Variants in LRRK1 observed in about 807,000 individuals in gnomAD.
The protein encoded by LRRK1 is leucine-rich repeat serine/threonine-protein kinase 1.
A neutral mutation model predicts 209.1 loss-of-function variants in LRRK1; 113 were observed. The observed-to-expected ratio is 0.54, with a 90% CI of 0.46 to 0.63. The LOEUF (loss-of-function observed/expected upper bound fraction) is 0.63. LRRK1 is among the 30% of genes least tolerant of loss of function. LRRK1 has a pLI of 0.00. For synonymous variants in LRRK1, 1,144 were observed against 1,099.7 expected (o/e 1.04, Z -0.80); for missense variants, 2,284 against 2,632.2 (o/e 0.87, Z 2.89).
At chr15:100,924,225 T>C (rs2042068664) in intron 1 of LRRK1, among the ~76,000 whole-genome samples, 1 of 152,210 alleles carries the variant, frequency 6.6e-6, no homozygotes, top group Admixed American at 6.5e-5. Flanking sequence ...TGACAGTAGG[T>C]GTGCGTTGAC....
intron 27 of LRRK1, 100 bp downstream of exon 27, chr15:101,055,323 A>G: frequency 8.4e-7 from 1 of 1,197,324 alleles, no homozygotes; most frequent in Non-Finnish European, 1.1e-6. Flanking sequence ...GGGGCTCAGC[A>G]TCCCCAAAAG....
rs370971434 is a variant in LRRK1, at chr15:101,027,137, G to A, written c.2406-124G>A. On this transcript the variant is annotated intron_variant, in intron 17 of 33. Transcript: ENST00000388948. The surrounding 1 kb of genome is among the most constrained non-coding windows in gnomAD (Gnocchi z 5.1). ...AGCAAGGCCTCAATAAACTTCTTGTGTTGTCTTTCACGAGTTCTCCAGACT... is the reference window on the plus strand; with the variant it reads ...AGCAAGGCCTCAATAAACTTCTTGTATTGTCTTTCACGAGTTCTCCAGACT... The A allele has an allele frequency of 8.1e-7, 1 of 1,238,190 alleles. No homozygotes were observed. The highest frequency in any genetic ancestry group is 1.1e-6 in the Non-Finnish European group (1 of 891,774). 76.7% of individuals were successfully genotyped at this position (1,238,190 alleles called of 1,614,324 possible). A position where few individuals can be genotyped will look rare whatever the true frequency, so the allele number is the denominator to read the frequency against.
intron 10 of LRRK1, among the ~76,000 whole-genome samples, chr15:101,012,705 G>A (rs570791252): frequency 4.6e-5 from 7 of 152,142 alleles, no homozygotes; most frequent in Admixed American, 1.3e-4. Context: ...GGACCCCCAC[G>A]GGCACTCCTC....
At chr15:100,930,085 C>G (rs2042182410) in intron 2 of LRRK1, among the ~76,000 whole-genome samples, 1 of 152,208 alleles carries the variant, frequency 6.6e-6, no homozygotes, top group Admixed American at 6.5e-5. Context: ...CAATGGGGAG[C>G]TGACTCCCTA....
At chr15:101,047,592 G>C (rs1304048498) in intron 21 of LRRK1, among the ~76,000 whole-genome samples, 1 of 152,224 alleles carries the variant, frequency 6.6e-6, no homozygotes, top group Non-Finnish European at 1.5e-5. Context: ...GGAAAAGAGT[G>C]CAGTCTCATC....
At chr15:101,013,122 T>C (rs2033351998) in intron 10 of LRRK1, among the ~76,000 whole-genome samples, 1 of 150,524 alleles carries the variant, frequency 6.6e-6, no homozygotes, top group South Asian at 2.1e-4. Context: ...ATGTGTCTGC[T>C]CGAGGTCTCC....
chr15:100,950,715 G>C (rs72765032), intron 2 of LRRK1, among the ~76,000 whole-genome samples: 18,163 of 152,268 alleles, frequency 0.12, 1,367 homozygotes, highest in Middle Eastern at 0.18. Flanking sequence ...CCTGTGAAAT[G>C]GGAGAAAATA....
chr15:100,961,221 A>T (rs1007712070), intron 2 of LRRK1, among the ~76,000 whole-genome samples: 5 of 152,150 alleles, frequency 3.3e-5, no homozygotes, highest in Non-Finnish European at 7.3e-5. Context: ...TCCTATTCTT[A>T]TAAAGCCACC....
intron 6 of LRRK1, among the ~76,000 whole-genome samples, chr15:101,003,620 C>T (rs2032805449): frequency 6.6e-6 from 1 of 152,158 alleles, no homozygotes; most frequent in South Asian, 2.1e-4. Context: ...CCTTATAAAA[C>T]CATCAGATCT....
rs552313052 is a variant in LRRK1, at chr15:101,062,673, G to A, written c.4897G>A (p.Val1633Met). The A allele has an allele frequency of 2.1e-5, 34 of 1,613,510 alleles. No individual in the cohort carries two copies. Among genetic ancestry groups the A allele is most frequent in the Admixed American group, 2.0e-4 (12 of 60,028 alleles). The change falls in exon 31 of 34, where the codon GTG becomes ATG. Residue 1633 changes from valine (V) to methionine (M), a missense_variant. Val to Met is a conservative substitution (Grantham distance 21, BLOSUM62 1). This residue lies in a region of LRRK1 where 643 missense variants were observed against 695.9 expected (regional missense o/e 0.92). Transcript: ENST00000388948. ...TPAVVTCFLA[V>M]PVIKKNSYLV... ...AGCTGTCGTCACCTGCTTCTTGGCC[G>A]TGCCTGTTATTAAAAAGGTGAGGTC...
intron 28 of LRRK1, among the ~76,000 whole-genome samples, chr15:101,057,562 T>C (rs1596339229): frequency 6.6e-6 from 1 of 152,198 alleles, no homozygotes; most frequent in East Asian, 1.9e-4. Flanking sequence ...AGAACGCATG[T>C]CCTTATCTGG....
rs1004787812 is a variant in LRRK1 at position 101,065,083 on chromosome 15, C to G, written c.4915-269C>G. 6 of 526,186 alleles carry G rather than the reference C, an allele frequency of 1.1e-5. No individual in the cohort carries two copies. In the Admixed American group the frequency reaches 1.7e-4, roughly 15 times the overall value. 32.6% of individuals were successfully genotyped at this position (526,186 alleles called of 1,614,324 possible). A position where few individuals can be genotyped will look rare whatever the true frequency, so the allele number is the denominator to read the frequency against. ...GGCAGCCCATGTGGTCCAGGTGACA[C>G]GCAGCCTTACTTGGTGCCACAGGCC... On this transcript the variant is annotated intron_variant, in intron 31 of 33. Coordinates refer to ENST00000388948, the MANE Select transcript of LRRK1 (RefSeq NM_024652.6).
intron 31 of LRRK1, chr15:101,064,568 C>CA (rs944061462): frequency 8.5e-5 from 13 of 153,004 alleles, no homozygotes; most frequent in African/African-American, 3.1e-4. Flanking sequence ...TAGAAGAGCT[C>CA]ATGCTTCATT....
In LRRK1 at chr15:101,024,705, C is replaced by G; in HGVS notation, c.2068-98C>G. The G allele has an allele frequency of 7.6e-7, 1 of 1,323,896 alleles. No individual in the cohort carries two copies. Among genetic ancestry groups the G allele is most frequent in the South Asian group, 1.4e-5 (1 of 71,056 alleles). The allele number at this position is 1,323,896 out of a possible 1,614,324, so 82.0% of individuals were successfully genotyped here. Reference sequence around the variant, plus strand: ...TTTCCACGGTTGTTTTTTCAGACCCCCGAGTCCAGCCTCCAGAGTTATCCG... The same window carrying G: ...TTTCCACGGTTGTTTTTTCAGACCCGCGAGTCCAGCCTCCAGAGTTATCCG... On this transcript the variant is annotated intron_variant, in intron 15 of 33. Coordinates refer to ENST00000388948, the MANE Select transcript of LRRK1 (RefSeq NM_024652.6). The surrounding 1 kb of genome is among the most constrained non-coding windows in gnomAD (Gnocchi z 4.6).
At chr15:100,960,277 C>CTT (rs3031656) in intron 2 of LRRK1, among the ~76,000 whole-genome samples, 46,797 of 116,572 alleles carry the variant, frequency 0.4, 10,995 homozygotes, top group South Asian at 0.52. Flanking sequence ...GTTCATATTG[C>CTT]TTTTTTTTTT....
intron 16 of LRRK1, among the ~76,000 whole-genome samples, chr15:101,025,692 C>T (rs377400310): frequency 2.1e-4 from 32 of 152,310 alleles, no homozygotes; most frequent in African/African-American, 6.5e-4. Flanking sequence ...ATAGGGTGAA[C>T]GCACCCATTA....
chr15:101,008,966 C>G lies in LRRK1; in HGVS notation c.892C>G (p.Pro298Ala). Residue 298 changes from proline (P) to alanine (A), a missense_variant, in exon 7 of 34, where the codon CCC (proline) becomes GCC (alanine). Pro to Ala is a conservative substitution (Grantham distance 27). Around this residue, in one of 6 missense-constraint regions of LRRK1, gnomAD observed 494 missense variants for 522.1 expected, o/e 0.95. Transcript: ENST00000388948. The stretch of plus-strand genomic sequence containing the variant: ...CCTGGCGACCCTCCCCTCGGTTATC[C>G]CCTGGGGCCTCATCAATCTCCGGAA... ...NCLATLPSVIPWGLINLRKLN... is the reference protein window; with the variant it reads ...NCLATLPSVIAWGLINLRKLN... The G allele has an allele frequency of 6.2e-7, 1 of 1,614,140 alleles. No individual in the cohort carries two copies. Among genetic ancestry groups the G allele is most frequent in the South Asian group, 1.1e-5 (1 of 91,086 alleles).
At chr15:100,976,019 C>T (rs1267413234) in intron 3 of LRRK1, among the ~76,000 whole-genome samples, 1 of 151,844 alleles carries the variant, frequency 6.6e-6, no homozygotes, top group Non-Finnish European at 1.5e-5. Flanking sequence ...TTTATACAAG[C>T]ATTAAAAACA....
In LRRK1 at chr15:101,027,890, G is replaced by A; in HGVS notation, c.2686+93G>A. 1.7e-6 allele frequency: 2 copies of A among 1,171,988 alleles called. No individual in the cohort carries two copies. Among genetic ancestry groups the A allele is most frequent in the African/African-American group, 1.5e-5 (1 of 64,654 alleles). The allele number at this position is 1,171,988 out of a possible 1,614,324, so 72.6% of individuals were successfully genotyped here. A position where few individuals can be genotyped will look rare whatever the true frequency, so the allele number is the denominator to read the frequency against. ...AGCTTGGCCTCAGTAATGAATGAGA[G>A]ACCGACACCCAGCCTGCGTTTCTGC... On this transcript the variant is annotated intron_variant, in intron 19 of 33. Transcript: ENST00000388948. This position sits in a 1 kb window ranked among gnomAD's most constrained non-coding sequence, Gnocchi z 5.1.
Sources: gnomAD v4.1 joint callset for allele counts (sites outside exome capture counted in the v4.1 genomes callset) on GRCh38, gnomAD v4.1.1 for gene constraint, gnomAD v4.1.1 regional missense constraint, Gnocchi (gnomAD v3.1) non-coding constraint, MANE v1.5 for transcripts, NCBI Gene and HGNC (gene_info 2026-07-23, HGNC 2026-07-21) for gene names.